AKR1C4: variants seen among roughly 807,000 people sequenced by gnomAD.
The protein encoded by AKR1C4 is 3-alpha-HSD1.
A neutral mutation model predicts 41.0 loss-of-function variants in AKR1C4; 44 were observed. The observed-to-expected ratio is 1.07, with a 90% CI of 0.84 to 1.38. The LOEUF is 1.38. AKR1C4 is among the 40% of genes most tolerant of loss of function. The pLI is 0.00. For missense variants in AKR1C4, 438 were observed against 387.9 expected (o/e 1.13, Z -1.09); for synonymous variants, 165 against 137.7 (o/e 1.20, Z -1.39).
At position 5,212,636 on chromosome 10, in the gene AKR1C4, C is replaced by T. The variant is rs782515384; in HGVS notation, c.591C>T (p.Leu197=). ...VCNQVECHPY[L]NQSKLLDFCK... Reference sequence around the variant, plus strand: ...TAAAGGTAGAATGTCATCCTTACCTCAACCAGAGCAAACTGCTGGATTTCT... The same window carrying T: ...TAAAGGTAGAATGTCATCCTTACCTTAACCAGAGCAAACTGCTGGATTTCT... Residue 197 remains leucine, a synonymous_variant, in exon 6 of 9, where the codon CTC becomes CTT. Transcript: ENST00000263126. The T allele has an allele frequency of 1.2e-6, 2 of 1,613,274 alleles. No individual in the cohort carries two copies. The highest frequency in any genetic ancestry group is 2.2e-5 in the East Asian group (1 of 44,894).
intron 5 of AKR1C4, among the ~76,000 whole-genome samples, chr10:5,210,369 A>G (rs955353951): frequency 2.6e-5 from 4 of 152,152 alleles, no homozygotes; most frequent in African/African-American, 9.7e-5. Flanking sequence ...CCAGGTGCAC[A>G]GTGCAAGCTG....
In AKR1C4 at chr10:5,204,383, T is replaced by C. The variant is rs1554797240; in HGVS notation, c.259T>C (p.Cys87Arg). The change falls in exon 3 of 9, where the codon TGC becomes CGC. Residue 87 changes from cysteine to arginine, a missense_variant. Cys to Arg is a radical substitution (Grantham distance 180). Transcript: ENST00000263126. The stretch of plus-strand genomic sequence containing the variant: ...CCTTTATTTTACCATGCAGCTTTGG[T>C]GCACTTTCTTTCAACCACAGATGGT... The part of the protein sequence containing the change: ...EDIFYTSKLW[C>R]TFFQPQMVQP... 9.3e-6 allele frequency: 15 copies of C among 1,612,062 alleles called. No homozygotes were observed. Among genetic ancestry groups the C allele is most frequent in the Non-Finnish European group, 1.2e-5 (14 of 1,178,502 alleles).
chr10:5,197,073 C>A, intron 1 of AKR1C4, 122 bp downstream of exon 1: 1 of 917,556 alleles, frequency 1.1e-6, no homozygotes, highest in Non-Finnish European at 1.8e-6. Context: ...GTCTGTCTTA[C>A]TGGGCTAGAG....
Position 5,206,318 on chromosome 10 carries a change from G to A in AKR1C4, c.491G>A (p.Gly164Glu), listed in dbSNP as rs1554797484. 3 of 1,614,056 alleles carry A rather than the reference G, an allele frequency of 1.9e-6. No homozygotes were observed. The highest frequency in any genetic ancestry group is 2.7e-5 in the African/African-American group (2 of 75,012). ...GATGCAGGATTGGCCAAGTCCATCG[G>A]GGTGTCAAACTTCAACTGCAGGCAG... ...CKDAGLAKSIGVSNFNCRQLE... is the reference protein window; with the variant it reads ...CKDAGLAKSIEVSNFNCRQLE... The change falls in exon 5 of 9, where the codon GGG (glycine) becomes GAG (glutamate). Residue 164 changes from glycine to glutamate, a missense_variant. Gly to Glu is a moderately conservative substitution (Grantham distance 98). Transcript: ENST00000263126.
At chr10:5,211,257 G>A (rs1832571823) in intron 5 of AKR1C4, among the ~76,000 whole-genome samples, 1 of 152,226 alleles carries the variant, frequency 6.6e-6, no homozygotes, top group Non-Finnish European at 1.5e-5. Context: ...AATTTCTGCA[G>A]CTGGCTTGAA....
chr10:5,200,447 C>CT, intron 2 of AKR1C4, 99 bp downstream of exon 2: 11 of 1,491,072 alleles, frequency 7.4e-6, no homozygotes, highest in Non-Finnish European at 9.8e-6. Context: ...GTGAATTGTG[C>CT]TTATTAGTTC....
intron 3 of AKR1C4, chr10:5,204,746 GCT>G (rs1326034981): frequency 5.2e-6 from 3 of 571,714 alleles, no homozygotes; most frequent in African/African-American, 1.9e-5. Context: ...CACCTTCAAG[GCT>G]CTGTCTTAAT....
At chr10:5,213,931 C>T (rs1294910591) in intron 7 of AKR1C4, among the ~76,000 whole-genome samples, 11 of 151,970 alleles carry the variant, frequency 7.2e-5, no homozygotes, top group Non-Finnish European at 4.4e-5. Context: ...AGTTTCTACT[C>T]TTAATGTAGT....
At chr10:5,212,932 G>A in intron 6 of AKR1C4, 62 bp from the exon 7 acceptor site, 3 of 1,581,326 alleles carry the variant, frequency 1.9e-6, no homozygotes, top group Non-Finnish European at 2.6e-6. Flanking sequence ...AGTCTGTTTA[G>A]GGAGCCTCCT....
chr10:5,198,356 T>A (rs1202125487), intron 1 of AKR1C4, among the ~76,000 whole-genome samples: 2 of 152,202 alleles, frequency 1.3e-5, no homozygotes. Context: ...CTGGCTGGTA[T>A]CTGAGAAGTT....
At chr10:5,207,031 A>C (rs1288850658) in intron 5 of AKR1C4, 1 of 153,612 alleles carries the variant, frequency 6.5e-6, no homozygotes, top group African/African-American at 2.4e-5. Flanking sequence ...CTCGTGTAGA[A>C]AAGCCTGCCA....
chr10:5,210,144 A>G (rs1276734566), intron 5 of AKR1C4, among the ~76,000 whole-genome samples: 2 of 152,170 alleles, frequency 1.3e-5, no homozygotes, highest in African/African-American at 2.4e-5. Context: ...TGACCCATGC[A>G]AGTCTGAAAT....
chr10:5,199,007 T>A (rs1564399579), intron 1 of AKR1C4, among the ~76,000 whole-genome samples: 1 of 152,058 alleles, frequency 6.6e-6, no homozygotes, highest in African/African-American at 2.4e-5. Flanking sequence ...GGTGACAGAG[T>A]GAGACTCTGT....
chr10:5,204,303 A>C, intron 2 of AKR1C4, 74 bp from the exon 3 acceptor site: 1 of 1,178,992 alleles, frequency 8.5e-7, no homozygotes, highest in Non-Finnish European at 1.2e-6. Context: ...AAAATGTCTA[A>C]ATATTAGGTG....
intron 1 of AKR1C4, among the ~76,000 whole-genome samples, chr10:5,199,413 C>T (rs1461882349): frequency 6.6e-6 from 1 of 152,146 alleles, no homozygotes; most frequent in Non-Finnish European, 1.5e-5. Context: ...TAGGTGAGGA[C>T]AGGCATTTTT....
intron 2 of AKR1C4, among the ~76,000 whole-genome samples, chr10:5,203,392 C>G (rs1832432815): frequency 6.6e-6 from 1 of 152,206 alleles, no homozygotes; most frequent in Non-Finnish European, 1.5e-5. Context: ...TCAGTCCATG[C>G]TGGAGACTGG....
chr10:5,206,609 T>C (rs1360980887), intron 5 of AKR1C4, among the ~76,000 whole-genome samples: 2 of 152,148 alleles, frequency 1.3e-5, no homozygotes, highest in South Asian at 2.1e-4. Flanking sequence ...CATGCTAAAT[T>C]GTGTGTACTA....
At chr10:5,212,569 T>C (rs1554798027) in intron 5 of AKR1C4, 47 bp from the exon 6 acceptor site, 2 of 1,491,970 alleles carry the variant, frequency 1.3e-6, no homozygotes, top group South Asian at 1.2e-5. Context: ...TATATTAACA[T>C]ATCTGTTTTG....
chr10:5,217,628 C>T (rs1048481274), intron 8 of AKR1C4, among the ~76,000 whole-genome samples: 1 of 152,206 alleles, frequency 6.6e-6, no homozygotes, highest in African/African-American at 2.4e-5. Flanking sequence ...TGCATGGTGG[C>T]ACACACCTGC....
Sources: gnomAD v4.1 joint callset for allele counts (sites outside exome capture counted in the v4.1 genomes callset) on GRCh38, gnomAD v4.1.1 for gene constraint, MANE v1.5 for transcripts, NCBI Gene and HGNC (gene_info 2026-07-23, HGNC 2026-07-21) for gene names.